PCP4L1: variants seen among roughly 807,000 people sequenced by gnomAD.
The protein encoded by PCP4L1 is Purkinje cell protein 4 like 1, also known as Purkinje cell protein 4-like protein 1.
In PCP4L1, 9 loss-of-function variants were observed where a neutral mutation model predicts 9.6. That is an observed-to-expected ratio of 0.94 (90% CI 0.57 to 1.64). The LOEUF is 1.64. Among genes scored for constraint, PCP4L1 ranks in the 40% most tolerant of loss-of-function variants. PCP4L1 has a pLI of 0.00. For missense variants in PCP4L1, 81 were observed against 80.8 expected, an observed-to-expected ratio of 1.00 and a Z score of -0.01; for synonymous variants, 31 against 28.2, an observed-to-expected ratio of 1.10 and a Z score of -0.31.
At chr1:161,281,434 C>CT (rs1368597161) in intron 1 of PCP4L1, among the ~76,000 whole-genome samples, 2 of 151,648 alleles carry the variant, frequency 1.3e-5, no homozygotes, top group Non-Finnish European at 2.9e-5. Flanking sequence ...AGAGGCGCCC[C>CT]CACCTCCCGG....
chr1:161,259,148 G>A (rs1669377534), intron 1 of PCP4L1, among the ~76,000 whole-genome samples, 165 bp downstream of exon 1: 2 of 152,164 alleles, frequency 1.3e-5, no homozygotes, highest in South Asian at 4.1e-4. Flanking sequence ...CGGGGCGCTG[G>A]GAAACGATTG....
At chr1:161,271,088 A>T (rs1453089706) in intron 1 of PCP4L1, among the ~76,000 whole-genome samples, 2 of 152,228 alleles carry the variant, frequency 1.3e-5, no homozygotes, top group Non-Finnish European at 2.9e-5. Flanking sequence ...TCTTGGATAA[A>T]TAACTAGCAA....
intron 1 of PCP4L1, among the ~76,000 whole-genome samples, chr1:161,282,059 A>G (rs1669827076): frequency 6.6e-6 from 1 of 152,172 alleles, no homozygotes; most frequent in Non-Finnish European, 1.5e-5. Flanking sequence ...AGGTTGTAGC[A>G]AGCGGAGATC....
intron 1 of PCP4L1, among the ~76,000 whole-genome samples, chr1:161,265,992 G>A (rs888123188): frequency 3.3e-5 from 5 of 151,632 alleles, no homozygotes; most frequent in African/African-American, 9.7e-5. Flanking sequence ...CACCTGCCTC[G>A]GCCTCCCAAA....
At chr1:161,271,038 T>C (rs1211785926) in intron 1 of PCP4L1, among the ~76,000 whole-genome samples, 2 of 152,230 alleles carry the variant, frequency 1.3e-5, no homozygotes, top group African/African-American at 4.8e-5. Context: ...GCTATAAATA[T>C]TAATTTACAA....
At chr1:161,263,988 C>G (rs1669464908) in intron 1 of PCP4L1, among the ~76,000 whole-genome samples, 2 of 138,844 alleles carry the variant, frequency 1.4e-5, no homozygotes, top group South Asian at 4.5e-4. Flanking sequence ...TGGCTCACTG[C>G]AATCTCTGCC....
chr1:161,275,402 G>C (rs1669682010), intron 1 of PCP4L1, among the ~76,000 whole-genome samples: 1 of 151,574 alleles, frequency 6.6e-6, no homozygotes, highest in South Asian at 2.1e-4. Context: ...TGTAGTCCCA[G>C]CTACTCGGGA....
intron 1 of PCP4L1, among the ~76,000 whole-genome samples, chr1:161,282,919 C>T (rs189553038): frequency 5.9e-5 from 9 of 152,302 alleles, no homozygotes; most frequent in Admixed American, 5.2e-4. Flanking sequence ...ACCATCGTCT[C>T]TTGCTTGGTT....
intron 1 of PCP4L1, among the ~76,000 whole-genome samples, chr1:161,273,504 G>C (rs1669653645): frequency 6.6e-6 from 1 of 152,148 alleles, no homozygotes; most frequent in Admixed American, 6.5e-5. Flanking sequence ...CAAGCTCCAA[G>C]CTCACTAGAA....
intron 1 of PCP4L1, among the ~76,000 whole-genome samples, chr1:161,262,291 A>G (rs543789257): frequency 1.3e-5 from 2 of 151,996 alleles, no homozygotes; most frequent in South Asian, 2.1e-4. Context: ...AAAATTAGCC[A>G]GGCATGGTGG....
intron 1 of PCP4L1, among the ~76,000 whole-genome samples, chr1:161,264,203 A>G: frequency 6.6e-6 from 1 of 150,422 alleles, no homozygotes; most frequent in Non-Finnish European, 1.5e-5. Context: ...ATGAGCCACC[A>G]TGCCTAGCCT....
intron 1 of PCP4L1, among the ~76,000 whole-genome samples, chr1:161,267,318 T>C (rs143717238): frequency 6.6e-6 from 1 of 152,348 alleles, no homozygotes; most frequent in African/African-American, 2.4e-5. Context: ...AGCTATGTCA[T>C]GCAAATACAG....
At chr1:161,282,253 G>A (rs992208164) in intron 1 of PCP4L1, among the ~76,000 whole-genome samples, 99 of 152,204 alleles carry the variant, frequency 6.5e-4, no homozygotes, top group African/African-American at 1.2e-3. Context: ...CAGGCGTGGC[G>A]GCGCGCGCCT....
At chr1:161,264,718 A>G (rs1669500682) in intron 1 of PCP4L1, among the ~76,000 whole-genome samples, 1 of 152,088 alleles carries the variant, frequency 6.6e-6, no homozygotes, top group Non-Finnish European at 1.5e-5. Flanking sequence ...GATCCCAGTT[A>G]CGTGGGAGGC....
intron 1 of PCP4L1, among the ~76,000 whole-genome samples, chr1:161,266,701 A>C (rs1336486257): frequency 6.6e-6 from 1 of 152,144 alleles, no homozygotes; most frequent in Non-Finnish European, 1.5e-5. Context: ...AATAGTATAT[A>C]TATTAAGAGA....
Position 161,258,869 on chromosome 1 carries a change from C to G in PCP4L1, c.-106C>G. 6 of 1,480,436 alleles carry G rather than the reference C, an allele frequency of 4.1e-6. No homozygotes were observed. Among genetic ancestry groups the G allele is most frequent in the African/African-American group, 1.4e-5 (1 of 71,872 alleles). 91.7% of individuals were successfully genotyped at this position (1,480,436 alleles called of 1,614,324 possible). The stretch of plus-strand genomic sequence containing the variant: ...CTCTCCTCTCCTGGTCAGCTGTAAC[C>G]CCTGCCGCAGAGCCCGGCAACTTTC... On this transcript the variant is annotated 5_prime_UTR_variant, in exon 1 of 3. Coordinates refer to ENST00000504449, the MANE Select transcript of PCP4L1 (RefSeq NM_001102566.2).
At chr1:161,274,903 A>G (rs1669674839) in intron 1 of PCP4L1, among the ~76,000 whole-genome samples, 1 of 152,206 alleles carries the variant, frequency 6.6e-6, no homozygotes, top group Admixed American at 6.5e-5. Flanking sequence ...TGTGAGTAAT[A>G]GGAGTTTTCT....
At chr1:161,259,136 C>A (rs1328791287) in intron 1 of PCP4L1, among the ~76,000 whole-genome samples, 153 bp downstream of exon 1, 1 of 152,120 alleles carries the variant, frequency 6.6e-6, no homozygotes, top group African/African-American at 2.4e-5. Flanking sequence ...AAGCTCCCAC[C>A]TCGGGGCGCT....
intron 1 of PCP4L1, among the ~76,000 whole-genome samples, chr1:161,267,592 C>T (rs937952182): frequency 1.3e-5 from 2 of 152,170 alleles, no homozygotes; most frequent in African/African-American, 2.4e-5. Flanking sequence ...AAGAAGGGAG[C>T]GGGGAAGATT....
Sources: gnomAD v4.1 joint callset for allele counts (sites outside exome capture counted in the v4.1 genomes callset) on GRCh38, gnomAD v4.1.1 for gene constraint, MANE v1.5 for transcripts, NCBI Gene and HGNC (gene_info 2026-07-23, HGNC 2026-07-21) for gene names.